PAQR6: variants seen among roughly 807,000 people sequenced by gnomAD.
PAQR6 encodes the protein membrane progestin receptor delta.
A neutral mutation model predicts 36.2 loss-of-function variants in PAQR6; 34 were observed. The observed-to-expected ratio is 0.94, with a 90% confidence interval of 0.71 to 1.25. The LOEUF (loss-of-function observed/expected upper bound fraction) is 1.25. Among genes scored for constraint, PAQR6 ranks in the 50% most tolerant of loss-of-function variants. PAQR6 has a pLI of 0.00. For missense variants in PAQR6, 431 were observed against 445.7 expected, an observed-to-expected ratio of 0.97 and a Z score of 0.30; for synonymous variants, 190 against 190.7, an observed-to-expected ratio of 1.00 and a Z score of 0.03.
intron 1 of PAQR6, 49 bp downstream of exon 1, chr1:156,247,908 G>A (rs1001867145): frequency 1.4e-5 from 6 of 422,502 alleles, no homozygotes; most frequent in African/African-American, 1.2e-4. Flanking sequence ...GGAGCAAGAT[G>A]CTTTACCTCT....
Position 156,244,067 on chromosome 1 carries a change from GCTC to G in PAQR6, c.*59_*61del, listed in dbSNP as rs1659776719. Reference sequence around the variant, plus strand: ...CCCACCTGATTAGGCCCAAATCTGGGCTCCTCGTCAGCACTGGGGCCTGGCCTC... The same window carrying G: ...CCCACCTGATTAGGCCCAAATCTGGGCTCGTCAGCACTGGGGCCTGGCCTC... On this transcript the variant is annotated 3_prime_UTR_variant, in exon 8 of 8. Transcript: ENST00000292291. 2 of 1,613,774 alleles carry G rather than the reference GCTC, an allele frequency of 1.2e-6. No individual in the cohort carries two copies. The highest frequency in any genetic ancestry group is 2.2e-5 in the East Asian group (1 of 44,870).
rs767705455 is a variant in PAQR6, at chr1:156,246,050, C to G, written c.180-63G>C. 5.0e-6 allele frequency: 8 copies of G among 1,599,908 alleles called. No individual in the cohort carries two copies. In the African/African-American group the frequency reaches 1.1e-4, roughly 21 times the overall value. Reference sequence around the variant, plus strand: ...GCGACTGCCGCTGCAGCCCGTGGGCCTGGACGGTCCCTGCCCGCCTGGGTA... The same window carrying G: ...GCGACTGCCGCTGCAGCCCGTGGGCGTGGACGGTCCCTGCCCGCCTGGGTA... On this transcript the variant is annotated intron_variant, in intron 3 of 7. Coordinates refer to ENST00000292291, the MANE Select transcript of PAQR6 (RefSeq NM_198406.3).
At chr1:156,246,010 C>G in intron 3 of PAQR6, 23 bp from the exon 4 acceptor site, 1 of 1,566,812 alleles carries the variant, frequency 6.4e-7, no homozygotes. Flanking sequence ...CGTGCTCAGG[C>G]CGCCGCGGAC....
At chr1:156,246,425 A>G (rs1205524209) in intron 2 of PAQR6, among the ~76,000 whole-genome samples, 175 bp from the exon 3 acceptor site, 1 of 151,938 alleles carries the variant, frequency 6.6e-6, no homozygotes, top group Non-Finnish European at 1.5e-5. Flanking sequence ...CACAAAACAA[A>G]TAGGAAACCG....
Position 156,244,372 on chromosome 1 carries a change from T to G in PAQR6, c.792A>C (p.Ala264=). The G allele has an allele frequency of 6.4e-7, 1 of 1,553,010 alleles. No homozygotes were observed. ...GHSHQLFHIC[A]VLGTHFQLEA... ...CCAGCTGGAAGTGGGTGCCCAGCACTGCACAGATGTGGAATAACTGGTGGC... is the reference window on the plus strand; with the variant it reads ...CCAGCTGGAAGTGGGTGCCCAGCACGGCACAGATGTGGAATAACTGGTGGC... The change falls in exon 8 of 8, where the codon GCA becomes GCC. Residue 264 remains alanine (A), a synonymous_variant. Coordinates refer to ENST00000292291, the MANE Select transcript of PAQR6 (RefSeq NM_198406.3).
At chr1:156,246,059 C>T (rs760961145) in intron 3 of PAQR6, 64 bp downstream of exon 3, 10 of 1,602,306 alleles carry the variant, frequency 6.2e-6, no homozygotes, top group Middle Eastern at 1.7e-4. Flanking sequence ...CCTGGACGGT[C>T]CCTGCCCGCC....
chr1:156,244,052 T>A lies in PAQR6; in HGVS notation c.*77A>T, dbSNP rs755823363. 3 of 1,614,056 alleles carry A rather than the reference T, an allele frequency of 1.9e-6. No homozygotes were observed. In the Admixed American group the frequency reaches 5.0e-5, roughly 27 times the overall value. On this transcript the variant is annotated 3_prime_UTR_variant, in exon 8 of 8. Coordinates refer to ENST00000292291, the MANE Select transcript of PAQR6 (RefSeq NM_198406.3). ...AGGCTGAGATGCGTCCCCACCTGAT[T>A]AGGCCCAAATCTGGGCTCCTCGTCA...
At chr1:156,245,338 C>A in intron 5 of PAQR6, 100 bp from the exon 6 acceptor site, 2 of 1,381,864 alleles carry the variant, frequency 1.4e-6, no homozygotes, top group South Asian at 1.2e-5. Flanking sequence ...ATCAGCACAG[C>A]CTGCAGCTAA....
chr1:156,246,355 TG>T (rs1660488282), intron 2 of PAQR6, 105 bp from the exon 3 acceptor site: 1 of 1,105,290 alleles, frequency 9.0e-7, no homozygotes, highest in Non-Finnish European at 1.3e-6. Context: ...GAGATCAACG[TG>T]GCCCCCAAGC....
At chr1:156,246,624 C>T in intron 2 of PAQR6, 57 bp downstream of exon 2, 7 of 1,580,590 alleles carry the variant, frequency 4.4e-6, no homozygotes, top group South Asian at 2.3e-5. Flanking sequence ...GAACGTCAGC[C>T]CCTAGTCAGT....
rs778775297 is a variant in PAQR6 at position 156,244,152 on chromosome 1, C to A, written c.1012G>T (p.Gly338Cys). Residue 338 changes from glycine (G) to cysteine (C), a missense_variant, in exon 8 of 8, where the codon GGT becomes TGT. Gly to Cys is a radical substitution (Grantham distance 159). Coordinates refer to ENST00000292291, the MANE Select transcript of PAQR6 (RefSeq NM_198406.3). The part of the protein sequence containing the change: ...PLLQGGPLEG[G>C]TQAKQQ ...CCTCACTGTTGTTTGGCCTGGGTAC[C>A]CCCCTCCAGTGGGCCACCCTGCAGC... is the stretch of plus-strand genomic sequence containing the variant. 6.2e-6 allele frequency: 10 copies of A among 1,604,674 alleles called. No homozygotes were observed. In the African/African-American group the frequency reaches 8.0e-5, roughly 13 times the overall value.
chr1:156,246,180 C>CT lies in PAQR6; in HGVS notation c.121dup (p.Ser41LysfsTer142). The CT allele has an allele frequency of 6.2e-7, 1 of 1,613,626 alleles. No homozygotes were observed. Among genetic ancestry groups the CT allele is most frequent in the Non-Finnish European group, 8.5e-7 (1 of 1,180,026 alleles). ...CGTCTCGTTGGTCATCTGGAAGGAGCTGAGGACACAGTCCAAAGCCGAGCT... is the reference window on the plus strand; with the variant it reads ...CGTCTCGTTGGTCATCTGGAAGGAGCTTGAGGACACAGTCCAAAGCCGAGCT... On this transcript the variant is annotated frameshift_variant, in exon 3 of 8. Transcript: ENST00000292291. LOFTEE classifies it high-confidence loss of function.
At chr1:156,245,370 C>T (rs1660230693) in intron 5 of PAQR6, 132 bp from the exon 6 acceptor site, 2 of 1,370,118 alleles carry the variant, frequency 1.5e-6, no homozygotes, top group Non-Finnish European at 2.0e-6. Context: ...GGGCATATGA[C>T]CTCCTGTGTA....
At chr1:156,245,288 G>A (rs1660203908) in intron 5 of PAQR6, 50 bp from the exon 6 acceptor site, 2 of 1,550,214 alleles carry the variant, frequency 1.3e-6, no homozygotes, top group South Asian at 1.1e-5. Flanking sequence ...CTTGGGGTAG[G>A]GGTCAGAGAA....
chr1:156,246,709 T>TG lies in PAQR6; in HGVS notation c.22dup (p.Gln8ProfsTer175). ...GGGGACCTGGTGGACTTGAAGAAGT[T>TG]GGGGCAGCTTGAGACTGAGCATGGT... On this transcript the variant is annotated frameshift_variant, in exon 2 of 8. Transcript: ENST00000292291. LOFTEE classifies it high-confidence loss of function. 1 of 1,613,792 alleles carries TG rather than the reference T, an allele frequency of 6.2e-7. No individual in the cohort carries two copies. The highest frequency in any genetic ancestry group is 8.5e-7 in the Non-Finnish European group (1 of 1,179,878).
At chr1:156,244,724 C>T (rs758852381) in intron 7 of PAQR6, 37 bp downstream of exon 7, 7 of 1,613,730 alleles carry the variant, frequency 4.3e-6, no homozygotes, top group Non-Finnish European at 4.2e-6. Context: ...GGCATCTGCC[C>T]CTGCCTCTTC....
Position 156,246,716 on chromosome 1 carries a change from G to C in PAQR6, c.16C>G (p.Leu6Val), listed in dbSNP as rs753528988. The C allele has an allele frequency of 5.0e-6, 8 of 1,613,910 alleles. No individual in the cohort carries two copies. In the South Asian group the frequency reaches 8.8e-5, roughly 18 times the overall value. Residue 6 changes from leucine (L) to valine (V), a missense_variant, in exon 2 of 8, where the codon CTG becomes GTG. Coordinates refer to ENST00000292291, the MANE Select transcript of PAQR6 (RefSeq NM_198406.3). Reference protein sequence around the residue: MLSLKLPQLLQVHQVP... With the variant: MLSLKVPQLLQVHQVP... ...TGGTGGACTTGAAGAAGTTGGGGCA[G>C]CTTGAGACTGAGCATGGTGGCCTGG...
At position 156,246,085 on chromosome 1, in the gene PAQR6, A is replaced by C. The variant is rs746472008; in HGVS notation, c.179+38T>G. 2.2e-5 allele frequency: 35 copies of C among 1,606,624 alleles called. 1 individual carries two copies. The East Asian group carries it at 7.8e-4, about 36-fold the overall frequency. On this transcript the variant is annotated intron_variant, in intron 3 of 7. Coordinates refer to ENST00000292291, the MANE Select transcript of PAQR6 (RefSeq NM_198406.3). ...CCTGCCCGCCTGGGTACCCCCTCTG[A>C]GCTCAAGGCCGCGGCCTGGGGCGGA...
At chr1:156,246,654 G>A in intron 2 of PAQR6, 27 bp downstream of exon 2, 1 of 1,611,452 alleles carries the variant, frequency 6.2e-7, no homozygotes, top group South Asian at 1.1e-5. Flanking sequence ...AATGGGGGTT[G>A]GTGGGTCAGT....
Sources: allele counts gnomAD v4.1 joint callset (sites outside exome capture counted in the v4.1 genomes callset), GRCh38; gene constraint gnomAD v4.1.1; transcripts MANE v1.5; gene names NCBI Gene and HGNC (gene_info 2026-07-23, HGNC 2026-07-21).